The following RASA3 variants were observed in gnomAD, a reference collection of about 807,000 sequenced individuals.
The protein encoded by RASA3 is RAS p21 protein activator 3.
A neutral mutation model predicts 110.0 loss-of-function variants in RASA3; 73 were observed. That is an observed-to-expected ratio of 0.66 (90% confidence interval 0.55 to 0.81). The LOEUF is 0.81. RASA3 is among the 30% of genes least tolerant of loss of function. RASA3 has a pLI of 0.00. For synonymous variants in RASA3, 500 were observed against 451.4 expected (o/e 1.11, Z -1.37); for missense variants, 976 against 1,113.2 (o/e 0.88, Z 1.75).
chr13:114,066,762 G>C (rs184894965), intron 2 of RASA3, among the ~76,000 whole-genome samples: 1 of 152,376 alleles, frequency 6.6e-6, no homozygotes, highest in Non-Finnish European at 1.5e-5. Context: ...ACACATGCAG[G>C]TGGAGATGGA....
intron 23 of RASA3, among the ~76,000 whole-genome samples, chr13:113,980,240 CCTCCATGTGTGCCTT>C (rs1231570250): frequency 6.8e-6 from 1 of 146,784 alleles, no homozygotes; most frequent in African/African-American, 2.6e-5. Flanking sequence ...GTGTGCGCCT[CCTCCATGTGTGCCTT>C]CTCCCACATG....
chr13:114,125,503 A>T (rs149282401), intron 1 of RASA3, among the ~76,000 whole-genome samples: 1 of 152,162 alleles, frequency 6.6e-6, no homozygotes, highest in Non-Finnish European at 1.5e-5. Flanking sequence ...TGAGAACAGC[A>T]CCAAGGGGAT....
chr13:114,013,624 GTC>G (rs1156560858), intron 14 of RASA3, among the ~76,000 whole-genome samples: 3 of 30,346 alleles, frequency 9.9e-5, no homozygotes, highest in African/African-American at 3.2e-4. Context: ...CCCTCCATCT[GTC>G]TCTCTCTCTC....
Position 113,979,234 on chromosome 13 carries a change from G to A in RASA3, c.*113C>T. The A allele has an allele frequency of 9.5e-7, 1 of 1,055,218 alleles. No homozygotes were observed. The highest frequency in any genetic ancestry group is 1.7e-5 in the Admixed American group (1 of 57,492). 65.4% of individuals were successfully genotyped at this position (1,055,218 alleles called of 1,614,324 possible). ...CCAGCGCCACTTGTCTATGGGCCGG[G>A]ACGGCGTGCATCTCACTTTGCCGGC... On this transcript the variant is annotated 3_prime_UTR_variant, in exon 24 of 24. Transcript: ENST00000334062.
At chr13:114,015,968 AC>A (rs2053781780) in intron 13 of RASA3, among the ~76,000 whole-genome samples, 1 of 151,796 alleles carries the variant, frequency 6.6e-6, no homozygotes, top group Admixed American at 6.6e-5. Context: ...GCTGGCCGGG[AC>A]CCCCCAGGGG....
intron 22 of RASA3, among the ~76,000 whole-genome samples, chr13:113,991,950 C>T (rs890464371): frequency 6.9e-6 from 1 of 145,654 alleles, no homozygotes; most frequent in East Asian, 1.9e-4. Flanking sequence ...CATTCACACA[C>T]ACTCACACAC....
chr13:114,040,987 C>A lies in RASA3; in HGVS notation c.372+13G>T. ...CAGGGCTCTGGTTTCCGGGGCTGCG[C>A]CGAGAGTCTCACCTGCACTTCCGAG... On this transcript the variant is annotated intron_variant, in intron 4 of 23. Coordinates refer to ENST00000334062, the MANE Select transcript of RASA3 (RefSeq NM_007368.4). The A allele has an allele frequency of 6.2e-7, 1 of 1,612,888 alleles. No individual in the cohort carries two copies. Among genetic ancestry groups the A allele is most frequent in the Non-Finnish European group, 8.5e-7 (1 of 1,179,892 alleles).
chr13:114,087,951 G>A (rs530902395), intron 1 of RASA3, among the ~76,000 whole-genome samples: 61 of 152,290 alleles, frequency 4.0e-4, no homozygotes, highest in African/African-American at 1.4e-3. Context: ...CCAACATAGC[G>A]AAACCTCATC....
rs1400031863 is a variant in RASA3 at position 114,011,564 on chromosome 13, G to A, written c.1513-316C>T. ...TGGCTCTGGGGCGCTGAGTCTCGGG[G>A]TGCTGAGTCTCCTGGCCCTGCCTGG... On this transcript the variant is annotated intron_variant, in intron 15 of 23. Coordinates refer to ENST00000334062, the MANE Select transcript of RASA3 (RefSeq NM_007368.4). The surrounding 1 kb of genome is among the most constrained non-coding windows in gnomAD (Gnocchi z 4.8). Among the ~76,000 whole-genome samples the A allele has an allele frequency of 2.0e-5, 3 of 152,128 alleles. No individual in the cohort carries two copies. The highest frequency in any genetic ancestry group is 4.8e-5 in the African/African-American group (2 of 41,410).
rs1241328555 is a variant in RASA3, at chr13:113,984,246, T to C, written c.2246-2388A>G. ...CTCACCCATCTGTCCATCCATCCAT[T>C]ACTCACCCATCTGTCCATCCACCCA... On this transcript the variant is annotated intron_variant, in intron 22 of 23. Transcript: ENST00000334062. 8.5e-4 allele frequency among the ~76,000 whole-genome samples: 65 copies of C among 76,162 alleles called. 3 individuals are homozygous for C. Among genetic ancestry groups the C allele is most frequent in the Middle Eastern group, 8.6e-3 (1 of 116 alleles). 50.0% of individuals were successfully genotyped at this position (76,162 alleles called of 152,430 possible).
rs77795464 is a variant in RASA3 at position 114,099,264 on chromosome 13, C to T, written c.56-25427G>A. 1.6e-3 allele frequency among the ~76,000 whole-genome samples: 247 copies of T among 152,112 alleles called. 9 individuals carry two copies. In the East Asian group the frequency reaches 0.033, roughly 20 times the overall value. On this transcript the variant is annotated intron_variant, in intron 1 of 23. Transcript: ENST00000334062. ...AGGTCAGAGCCAGAAGCACAGCAGACGCTCCCAAGCCACAGGCAGCTGCTG... is the reference window on the plus strand; with the variant it reads ...AGGTCAGAGCCAGAAGCACAGCAGATGCTCCCAAGCCACAGGCAGCTGCTG...
chr13:114,000,233 C>A (rs2053363262), intron 19 of RASA3, among the ~76,000 whole-genome samples: 1 of 151,706 alleles, frequency 6.6e-6, no homozygotes, highest in African/African-American at 2.4e-5. Flanking sequence ...CCATGTTCAT[C>A]TCCTTGGGGA....
At chr13:114,075,027 G>T (rs972801762) in intron 1 of RASA3, among the ~76,000 whole-genome samples, 1 of 152,168 alleles carries the variant, frequency 6.6e-6, no homozygotes, top group African/African-American at 2.4e-5. Context: ...TTCTGCCTCC[G>T]TCATTTGGCT....
chr13:114,113,438 G>A (rs1029461940), intron 1 of RASA3, among the ~76,000 whole-genome samples: 4 of 152,210 alleles, frequency 2.6e-5, no homozygotes, highest in Admixed American at 1.3e-4. Flanking sequence ...TGTTGCTTCT[G>A]ACGAATTTCT....
At chr13:114,000,306 C>T (rs1343709174) in intron 19 of RASA3, among the ~76,000 whole-genome samples, 2 of 152,054 alleles carry the variant, frequency 1.3e-5, no homozygotes, top group Admixed American at 1.3e-4. Context: ...ACCCACCTGG[C>T]CCTGCCATGC....
rs774173999 is a variant in RASA3 at position 114,024,367 on chromosome 13, CGA to C, written c.604-14_604-13del. 6 of 1,613,014 alleles carry C rather than the reference CGA, an allele frequency of 3.7e-6. No individual in the cohort carries two copies. In the Admixed American group the frequency reaches 6.7e-5, roughly 18 times the overall value. ...CAGGGCCGGGTCACCTGGAGTCAGA[CGA>C]GAGAGAAAGCGCTGAGACCGCGGTG... is the stretch of plus-strand genomic sequence containing the variant. On this transcript the variant is annotated splice_polypyrimidine_tract_variant and intron_variant, in intron 7 of 23. Transcript: ENST00000334062.
chr13:114,001,369 C>G (rs2053391678), intron 18 of RASA3, among the ~76,000 whole-genome samples: 1 of 148,676 alleles, frequency 6.7e-6, no homozygotes. Context: ...ACATGGAGGA[C>G]CCGCGGCCGC....
At chr13:114,019,394 C>A (rs1365062618) in intron 9 of RASA3, among the ~76,000 whole-genome samples, 4 of 152,254 alleles carry the variant, frequency 2.6e-5, no homozygotes, top group African/African-American at 9.6e-5. Flanking sequence ...CCCGGACATT[C>A]TTCCATCTTT....
intron 13 of RASA3, 57 bp downstream of exon 13, chr13:114,016,140 C>A: frequency 6.9e-7 from 1 of 1,453,262 alleles, no homozygotes; most frequent in Non-Finnish European, 9.6e-7. Flanking sequence ...AGGCAGCCAT[C>A]GGCTGAAAAA....
Sources: allele counts gnomAD v4.1 joint callset (sites outside exome capture counted in the v4.1 genomes callset), GRCh38; gene constraint gnomAD v4.1.1; non-coding constraint Gnocchi (gnomAD v3.1); transcripts MANE v1.5; gene names NCBI Gene and HGNC (gene_info 2026-07-23, HGNC 2026-07-21).